The following HS2ST1 variants were observed in gnomAD, a reference collection of about 807,000 sequenced individuals.
The protein encoded by HS2ST1 is heparan sulfate 2-O-sulfotransferase 1, also known as 2-O-sulfotransferase.
HS2ST1 carries 18 observed loss-of-function variants against 42.9 expected under a neutral mutation model. That is an observed-to-expected ratio of 0.42 (90% CI 0.29 to 0.62). HS2ST1 has a LOEUF of 0.62. Ranked by LOEUF, HS2ST1 falls within the 20% of genes least tolerant of loss-of-function variation. HS2ST1 has a pLI of 0.21. For synonymous variants in HS2ST1, 146 were observed against 152.9 expected (o/e 0.95, Z 0.33); for missense variants, 334 against 433.8 (o/e 0.77, Z 2.04).
At chr1:86,972,525 T>G (rs1397683937) in intron 1 of HS2ST1, among the ~76,000 whole-genome samples, 10 of 152,174 alleles carry the variant, frequency 6.6e-5, no homozygotes, top group South Asian at 2.1e-4. Flanking sequence ...ATTTTATTAT[T>G]GTTGCTGTTA....
chr1:87,017,679 A>G (rs1393865337), intron 1 of HS2ST1, among the ~76,000 whole-genome samples: 1 of 151,944 alleles, frequency 6.6e-6, no homozygotes, highest in African/African-American at 2.4e-5. Context: ...ATGCTTTTTT[A>G]TTTTTGATTT....
At chr1:86,959,909 G>A (rs1050926195) in intron 1 of HS2ST1, among the ~76,000 whole-genome samples, 1 of 152,072 alleles carries the variant, frequency 6.6e-6, no homozygotes, top group Non-Finnish European at 1.5e-5. Context: ...ATTCAGAATC[G>A]CAGCAGGTTA....
At chr1:86,980,338 A>ACAT (rs1455539762) in intron 1 of HS2ST1, among the ~76,000 whole-genome samples, 2 of 152,248 alleles carry the variant, frequency 1.3e-5, no homozygotes, top group African/African-American at 4.8e-5. Context: ...CAGTGAAAAT[A>ACAT]GTAATATTAA....
At chr1:87,088,673 GT>G (rs1651869756) in intron 3 of HS2ST1, among the ~76,000 whole-genome samples, 2 of 152,024 alleles carry the variant, frequency 1.3e-5, no homozygotes, top group Admixed American at 1.3e-4. Context: ...AACCAACAGT[GT>G]TTTAAGAGTT....
intron 1 of HS2ST1, among the ~76,000 whole-genome samples, chr1:87,031,510 A>G (rs1240893718): frequency 1.3e-5 from 2 of 152,318 alleles, no homozygotes; most frequent in Admixed American, 1.3e-4. Flanking sequence ...CCTCAAGTAC[A>G]TGTGCAGCTA....
rs1660691066 is a variant in HS2ST1 at position 86,937,985 on chromosome 1, G to T, written c.124+22825G>T. The stretch of plus-strand genomic sequence containing the variant: ...TTTTTGTCATTGCCCTTTATTACAT[G>T]TGTACTCAGACAATAATCATTGTCT... On this transcript the variant is annotated intron_variant, in intron 1 of 6. Transcript: ENST00000370550. Among the ~76,000 whole-genome samples, 3 of 152,058 alleles carry T rather than the reference G, an allele frequency of 2.0e-5. No homozygotes were observed. In the South Asian group the frequency reaches 6.2e-4, roughly 31 times the overall value.
chr1:87,049,343 GCA>G (rs1650775845), intron 1 of HS2ST1, among the ~76,000 whole-genome samples: 1 of 150,982 alleles, frequency 6.6e-6, no homozygotes. Context: ...TTTATTTTTG[GCA>G]CAAAGAACTA....
chr1:87,065,813 A>G (rs1383589601), intron 1 of HS2ST1, among the ~76,000 whole-genome samples: 1 of 152,118 alleles, frequency 6.6e-6, no homozygotes, highest in African/African-American at 2.4e-5. Context: ...TTCTTACTAT[A>G]GTTAAAGATA....
intron 1 of HS2ST1, chr1:87,046,288 GA>G: frequency 1.4e-6 from 1 of 735,314 alleles, no homozygotes; most frequent in Non-Finnish European, 2.5e-6. Flanking sequence ...CCAACCCAGA[GA>G]ACCTCTCCTG....
At chr1:87,059,992 A>C (rs1651077343) in intron 1 of HS2ST1, among the ~76,000 whole-genome samples, 1 of 152,206 alleles carries the variant, frequency 6.6e-6, no homozygotes, top group Admixed American at 6.5e-5. Context: ...CCCATAAATA[A>C]GTAAAACCTT....
chr1:87,024,131 T>C (rs1309414622), intron 1 of HS2ST1, among the ~76,000 whole-genome samples: 1 of 152,168 alleles, frequency 6.6e-6, no homozygotes. Flanking sequence ...TGGTGGTGGT[T>C]ATGCAGAGAT....
intron 1 of HS2ST1, among the ~76,000 whole-genome samples, chr1:86,989,480 G>T (rs927556824): frequency 1.3e-5 from 2 of 152,098 alleles, no homozygotes; most frequent in African/African-American, 4.8e-5. Context: ...TTATAAAGAG[G>T]CTTTCAAAAG....
At chr1:87,093,890 G>A (rs1253284600) in intron 4 of HS2ST1, among the ~76,000 whole-genome samples, 1 of 149,430 alleles carries the variant, frequency 6.7e-6, no homozygotes, top group Admixed American at 6.6e-5. Context: ...TCTAGAAATT[G>A]CTGTTTCTTT....
At chr1:86,983,890 A>C (rs1429574525) in intron 1 of HS2ST1, among the ~76,000 whole-genome samples, 1 of 152,072 alleles carries the variant, frequency 6.6e-6, no homozygotes, top group Non-Finnish European at 1.5e-5. Context: ...AAATACAAAA[A>C]TTAGCTGGGC....
At chr1:87,080,171 G>A (rs902568697) in intron 2 of HS2ST1, among the ~76,000 whole-genome samples, 23 of 152,190 alleles carry the variant, frequency 1.5e-4, no homozygotes, top group African/African-American at 5.5e-4. Context: ...TTTAGATGTA[G>A]TCTCTTGGTT....
At chr1:86,970,271 T>G (rs1160115799) in intron 1 of HS2ST1, among the ~76,000 whole-genome samples, 1 of 152,216 alleles carries the variant, frequency 6.6e-6, no homozygotes, top group East Asian at 1.9e-4. Flanking sequence ...ATGATTAAAA[T>G]AGTTTCCTCT....
At chr1:87,039,663 A>G (rs532924052) in intron 1 of HS2ST1, among the ~76,000 whole-genome samples, 1 of 152,318 alleles carries the variant, frequency 6.6e-6, no homozygotes, top group South Asian at 2.1e-4. Context: ...AGTGAATATC[A>G]GAACTGGGTG....
chr1:86,923,941 CT>C (rs1660357633), intron 1 of HS2ST1, among the ~76,000 whole-genome samples: 1 of 152,298 alleles, frequency 6.6e-6, no homozygotes, highest in Non-Finnish European at 1.5e-5. Flanking sequence ...CCCCCAAAGT[CT>C]TAACTCATTT....
chr1:87,092,426 T>C (rs1397850624), intron 3 of HS2ST1, 105 bp from the exon 4 acceptor site: 1 of 596,248 alleles, frequency 1.7e-6, no homozygotes, highest in Non-Finnish European at 2.6e-6. Context: ...TCATGTTCTT[T>C]TTTCCTTATA....
Sources: allele counts gnomAD v4.1 joint callset (sites outside exome capture counted in the v4.1 genomes callset), GRCh38; gene constraint gnomAD v4.1.1; transcripts MANE v1.5; gene names NCBI Gene and HGNC (gene_info 2026-07-23, HGNC 2026-07-21).